The following SUPT6H variants were observed in gnomAD, a reference collection of about 807,000 sequenced individuals.
SUPT6H encodes the protein SPT6 homolog, histone chaperone and transcription elongation factor.
Under a neutral mutation model 222.3 loss-of-function variants are expected in SUPT6H, and 11 were observed. That is an observed-to-expected ratio of 0.05 (90% CI 0.03 to 0.08). The LOEUF (loss-of-function observed/expected upper bound fraction) is 0.08, where lower values mean the gene tolerates loss of function less well. Among genes scored for constraint, SUPT6H ranks in the 10% least tolerant of loss-of-function variants. SUPT6H has a pLI of 1.00. For synonymous variants in SUPT6H, 762 were observed against 801.2 expected (o/e 0.95, Z 0.83); for missense variants, 1,422 against 2,216.0 (o/e 0.64, Z 7.19).
chr17:28,673,167 A>AG (rs1039940634), intron 1 of SUPT6H, among the ~76,000 whole-genome samples: 7 of 151,192 alleles, frequency 4.6e-5, no homozygotes, highest in African/African-American at 1.5e-4. Flanking sequence ...AAAAAAAAAA[A>AG]GTACATATGA....
At chr17:28,681,430 G>A (rs752002518) in intron 12 of SUPT6H, 26 bp downstream of exon 12, 50 of 1,563,406 alleles carry the variant, frequency 3.2e-5, no homozygotes, top group Non-Finnish European at 3.5e-5. Flanking sequence ...GAAAATCCAG[G>A]AGATTTGATG....
chr17:28,673,601 G>C (rs995456688), intron 2 of SUPT6H, 91 bp downstream of exon 2: 2 of 957,910 alleles, frequency 2.1e-6, no homozygotes, highest in Non-Finnish European at 3.3e-6. Flanking sequence ...GCTCAGCACA[G>C]AAGTTATCAC....
chr17:28,680,591 A>G (rs1369074448), intron 11 of SUPT6H, among the ~76,000 whole-genome samples: 2 of 152,192 alleles, frequency 1.3e-5, no homozygotes, highest in Non-Finnish European at 2.9e-5. Context: ...GCAAGACTCC[A>G]TCTCAAAAAA....
chr17:28,674,354 G>A lies in SUPT6H; in HGVS notation c.181G>A (p.Asp61Asn), dbSNP rs777303590. 8 of 1,613,246 alleles carry A rather than the reference G, an allele frequency of 5.0e-6. No homozygotes were observed. Among genetic ancestry groups the A allele is most frequent in the Non-Finnish European group, 6.8e-6 (8 of 1,179,294 alleles). ...QGNLKGFIND[D>N]DDEDEGEEDE... ...CAACTTGAAAGGCTTTATCAATGACGATGATGATGAAGATGAAGGGGAGGA... is the reference window on the plus strand; with the variant it reads ...CAACTTGAAAGGCTTTATCAATGACAATGATGATGAAGATGAAGGGGAGGA... Residue 61 changes from aspartate (D) to asparagine (N), a missense_variant, in exon 3 of 37, where the codon GAT becomes AAT. Coordinates refer to ENST00000314616, the MANE Select transcript of SUPT6H (RefSeq NM_003170.5).
chr17:28,690,492 C>T (rs1004105373), intron 26 of SUPT6H, among the ~76,000 whole-genome samples: 2 of 152,190 alleles, frequency 1.3e-5, no homozygotes, highest in East Asian at 3.9e-4. Flanking sequence ...ATCAGGGGAA[C>T]GGCCAGGCAC....
rs2030875382 is a variant in SUPT6H at position 28,678,210 on chromosome 17, G to C, written c.1116+18G>C. 2 of 1,598,596 alleles carry C rather than the reference G, an allele frequency of 1.3e-6. No individual in the cohort carries two copies. The highest frequency in any genetic ancestry group is 1.7e-6 in the Non-Finnish European group (2 of 1,171,064). Reference sequence around the variant, plus strand: ...ATTTTGAGGTAACACCTCAAGCTCTGGTGGCCCATTGGTGAGAAATTTAGT... The same window carrying C: ...ATTTTGAGGTAACACCTCAAGCTCTCGTGGCCCATTGGTGAGAAATTTAGT... On this transcript the variant is annotated intron_variant, in intron 9 of 36. Transcript: ENST00000314616.
chr17:28,679,996 AAAAAAAAAAG>A (rs2031002680), intron 11 of SUPT6H, among the ~76,000 whole-genome samples: 1 of 113,986 alleles, frequency 8.8e-6, no homozygotes, highest in Non-Finnish European at 2.1e-5. Flanking sequence ...ATCTCAAAAA[AAAAAAAAAAG>A]AAAGAAAGAA....
chr17:28,672,043 T>C (rs1391847761), intron 1 of SUPT6H, among the ~76,000 whole-genome samples: 3 of 152,368 alleles, frequency 2.0e-5, no homozygotes, highest in South Asian at 4.1e-4. Context: ...ATGATAAAAC[T>C]AGGCCCTTTT....
chr17:28,690,789 A>G (rs2031604565), intron 26 of SUPT6H, 132 bp from the exon 27 acceptor site: 1 of 1,051,026 alleles, frequency 9.5e-7, no homozygotes, highest in Non-Finnish European at 1.3e-6. Context: ...TAAATAAATA[A>G]ATAAAAATCG....
At chr17:28,682,035 C>T in intron 13 of SUPT6H, 55 bp downstream of exon 13, 1 of 1,460,290 alleles carries the variant, frequency 6.8e-7, no homozygotes, top group Non-Finnish European at 9.4e-7. Context: ...AGGGGAGTTA[C>T]CCAGAAAAAA....
At position 28,689,468 on chromosome 17, in the gene SUPT6H, C is replaced by T. The variant is rs1362020351; in HGVS notation, c.3249C>T (p.Ala1083=). ...AATACGATGAATCAGCCGAGGATGC[C>T]AATCCTGCAGGAGCCCTTGAAGAAA... ...ALEYDESAED[A]NPAGALEEIL... Residue 1083 remains alanine (A), a synonymous_variant, in exon 25 of 37, where the codon GCC becomes GCT. Transcript: ENST00000314616. 1 of 1,614,072 alleles carries T rather than the reference C, an allele frequency of 6.2e-7. No homozygotes were observed. The highest frequency in any genetic ancestry group is 1.3e-5 in the African/African-American group (1 of 74,918).
At chr17:28,692,137 C>T (rs1348938393) in intron 27 of SUPT6H, among the ~76,000 whole-genome samples, 6 of 149,428 alleles carry the variant, frequency 4.0e-5, no homozygotes, top group Non-Finnish European at 8.9e-5. Flanking sequence ...TCCTGGCTAA[C>T]ACGGTGAAAC....
intron 11 of SUPT6H, among the ~76,000 whole-genome samples, chr17:28,680,758 C>T (rs2031058073): frequency 6.6e-6 from 1 of 152,162 alleles, no homozygotes; most frequent in South Asian, 2.1e-4. Flanking sequence ...TTCATACCAT[C>T]TGCCTCAGCC....
intron 1 of SUPT6H, 135 bp downstream of exon 1, chr17:28,662,477 C>G (rs1028183702): frequency 2.0e-5 from 3 of 152,596 alleles, no homozygotes; most frequent in Admixed American, 6.5e-5. Flanking sequence ...CTTCCCTGCT[C>G]TATGGGGGGA....
At chr17:28,669,660 C>T (rs968636804) in intron 1 of SUPT6H, among the ~76,000 whole-genome samples, 5 of 151,644 alleles carry the variant, frequency 3.3e-5, no homozygotes, top group East Asian at 2.0e-4. Context: ...AATAGCCGGG[C>T]GTGGTGGCTC....
At chr17:28,681,756 G>T in intron 12 of SUPT6H, 126 bp from the exon 13 acceptor site, 3 of 721,702 alleles carry the variant, frequency 4.2e-6, no homozygotes, top group South Asian at 2.1e-5. Flanking sequence ...CAGGAGACTT[G>T]ACAGCCCATG....
chr17:28,662,371 T>C (rs2072071296), intron 1 of SUPT6H, 29 bp downstream of exon 1: 1 of 156,868 alleles, frequency 6.4e-6, no homozygotes, highest in South Asian at 1.6e-4. Flanking sequence ...AGCGTGTTTC[T>C]CGCAGGAGTC....
intron 35 of SUPT6H, 108 bp from the exon 36 acceptor site, chr17:28,700,833 G>C: frequency 7.5e-7 from 1 of 1,340,290 alleles, no homozygotes; most frequent in Non-Finnish European, 1.0e-6. Context: ...CTCAGTGGAA[G>C]ATCATCTGGA....
At chr17:28,684,756 A>G in intron 18 of SUPT6H, 31 bp downstream of exon 18, 1 of 1,613,150 alleles carries the variant, frequency 6.2e-7, no homozygotes, top group Non-Finnish European at 8.5e-7. Context: ...CCCCAGCACC[A>G]TCTCTTGTCT....
Sources: allele counts gnomAD v4.1 joint callset (sites outside exome capture counted in the v4.1 genomes callset), GRCh38; gene constraint gnomAD v4.1.1; transcripts MANE v1.5; gene names NCBI Gene and HGNC (gene_info 2026-07-23, HGNC 2026-07-21).